The following RNF166 variants were observed in gnomAD, a reference collection of about 807,000 sequenced individuals.
The protein encoded by RNF166 is ring finger protein 166, also known as E3 ubiquitin-protein ligase RNF166.
Under a neutral mutation model 29.4 loss-of-function variants are expected in RNF166, and 19 were observed. That is an observed-to-expected ratio of 0.65 (90% CI 0.45 to 0.95). The LOEUF (loss-of-function observed/expected upper bound fraction) is 0.95. Among genes scored for constraint, RNF166 ranks in the 40% least tolerant of loss-of-function variants. The probability of loss-of-function intolerance (pLI) is 0.00; values close to 1 mark genes in which losing one functional copy is unlikely to be tolerated. For missense variants in RNF166, 347 were observed against 322.1 expected, an observed-to-expected ratio of 1.08 and a Z score of -0.59; for synonymous variants, 171 against 134.5, an observed-to-expected ratio of 1.27 and a Z score of -1.88.
At chr16:88,700,915 C>T in intron 2 of RNF166, 1 of 1,160,396 alleles carries the variant, frequency 8.6e-7, no homozygotes. Context: ...CCAGCGCCGT[C>T]CCCGGTATCG....
chr16:88,701,127 C>T, intron 2 of RNF166, 135 bp downstream of exon 2: 1 of 1,297,308 alleles, frequency 7.7e-7, no homozygotes, highest in Non-Finnish European at 1.1e-6. Context: ...GGCTGGCTTC[C>T]TGGTGCAGGA....
intron 1 of RNF166, among the ~76,000 whole-genome samples, chr16:88,704,847 G>A (rs1396461356): frequency 2.6e-5 from 4 of 152,148 alleles, no homozygotes; most frequent in African/African-American, 4.8e-5. Flanking sequence ...GCAATTAGCC[G>A]GGCGTGGTGG....
In RNF166 at chr16:88,697,222, G is replaced by A. The variant is rs1461186072; in HGVS notation, c.*346C>T. 3 of 203,982 alleles carry A rather than the reference G, an allele frequency of 1.5e-5. No homozygotes were observed. The highest frequency in any genetic ancestry group is 1.3e-4 in the East Asian group (1 of 7,910). 12.6% of individuals were successfully genotyped at this position (203,982 alleles called of 1,614,324 possible). ...TCCTCCCGGCTCGACTGCGGAGCGC[G>A]ACTCGCGCGTCGGTCCCTTCTTCCC... On this transcript the variant is annotated 3_prime_UTR_variant, in exon 6 of 6. Transcript: ENST00000312838.
At position 88,696,667 on chromosome 16, in the gene RNF166, GCA is replaced by G; in HGVS notation, c.*899_*900del. The G allele has an allele frequency of 2.3e-6, 1 of 438,664 alleles. No individual in the cohort carries two copies. The highest frequency in any genetic ancestry group is 1.6e-5 in the South Asian group (1 of 61,044). The allele number at this position is 438,664 out of a possible 1,614,324, so 27.2% of individuals were successfully genotyped here. On this transcript the variant is annotated 3_prime_UTR_variant, in exon 6 of 6. Coordinates refer to ENST00000312838, the MANE Select transcript of RNF166 (RefSeq NM_178841.4). ...GGGTGCCGTCCCCTCCCGCAGCGGG[GCA>G]CAGTCAGCTTTGAAGGTGACAGCGG...
At chr16:88,701,120 T>A in intron 2 of RNF166, 142 bp downstream of exon 2, 3 of 1,270,346 alleles carry the variant, frequency 2.4e-6, no homozygotes, top group Non-Finnish European at 2.2e-6. Flanking sequence ...GCGCCGGGGC[T>A]GGCTTCCTGG....
At chr16:88,704,595 G>A (rs569138260) in intron 1 of RNF166, 77 of 983,402 alleles carry the variant, frequency 7.8e-5, no homozygotes, top group African/African-American at 1.4e-4. Flanking sequence ...CAAAGCCTAC[G>A]GGAGGCTTTT....
At position 88,706,373 on chromosome 16, in the gene RNF166, C is replaced by T. The variant is rs1013761974; in HGVS notation, c.-48G>A. 4.9e-6 allele frequency: 6 copies of T among 1,217,266 alleles called. No individual in the cohort carries two copies. In the South Asian group the frequency reaches 1.4e-4, roughly 28 times the overall value. The allele number at this position is 1,217,266 out of a possible 1,614,324, so 75.4% of individuals were successfully genotyped here. ...CCGCCGCCCGCTGTCCTGGCCCGGGCCGGCCCGCTAGTCACAGCCGCTACT... is the reference window on the plus strand; with the variant it reads ...CCGCCGCCCGCTGTCCTGGCCCGGGTCGGCCCGCTAGTCACAGCCGCTACT... On this transcript the variant is annotated 5_prime_UTR_variant, in exon 1 of 6. Coordinates refer to ENST00000312838, the MANE Select transcript of RNF166 (RefSeq NM_178841.4).
intron 1 of RNF166, 139 bp from the exon 2 acceptor site, chr16:88,701,557 A>T (rs1910235130): frequency 2.5e-6 from 2 of 806,176 alleles, no homozygotes; most frequent in Admixed American, 3.1e-5. Context: ...CCGTCTCTGG[A>T]GATGGTCACT....
At chr16:88,698,156 G>A in intron 5 of RNF166, 1 of 601,790 alleles carries the variant, frequency 1.7e-6, no homozygotes, top group Non-Finnish European at 3.0e-6. Flanking sequence ...GGGCTGGAGT[G>A]TTCGATGTTG....
At chr16:88,701,175 C>A in intron 2 of RNF166, 87 bp downstream of exon 2, 1 of 1,521,718 alleles carries the variant, frequency 6.6e-7, no homozygotes, top group East Asian at 2.3e-5. Flanking sequence ...AGAGAGAGGG[C>A]CCCGGCCCCC....
intron 2 of RNF166, chr16:88,700,706 C>A: frequency 1.0e-6 from 1 of 987,728 alleles, no homozygotes; most frequent in Non-Finnish European, 1.2e-6. Context: ...CCAGGGAGGG[C>A]CACGGGGCAC....
At chr16:88,702,159 C>T (rs76529285) in intron 1 of RNF166, among the ~76,000 whole-genome samples, 73 of 5,620 alleles carry the variant, frequency 0.013, no homozygotes, top group Non-Finnish European at 6.5e-3. Flanking sequence ...CACACCCTCC[C>T]GCTCTGCAGA....
In RNF166 at chr16:88,706,338, C is replaced by G. The variant is rs112070238; in HGVS notation, c.-13G>C. Reference sequence around the variant, plus strand: ...GGAACATAGCCATCCCGGGGCCAGGCCCGCGCCGCCCGCCGCCCGCTGTCC... The same window carrying G: ...GGAACATAGCCATCCCGGGGCCAGGGCCGCGCCGCCCGCCGCCCGCTGTCC... On this transcript the variant is annotated 5_prime_UTR_variant, in exon 1 of 6. Coordinates refer to ENST00000312838, the MANE Select transcript of RNF166 (RefSeq NM_178841.4). The G allele has an allele frequency of 1.6e-6, 2 of 1,217,950 alleles. No individual in the cohort carries two copies. The highest frequency in any genetic ancestry group is 3.2e-5 in the African/African-American group (2 of 62,846). The allele number at this position is 1,217,950 out of a possible 1,614,324, so 75.4% of individuals were successfully genotyped here.
chr16:88,699,403 A>G (rs1378416890), intron 3 of RNF166, among the ~76,000 whole-genome samples: 1 of 152,168 alleles, frequency 6.6e-6, no homozygotes, highest in Non-Finnish European at 1.5e-5. Flanking sequence ...CCTGCTCCCC[A>G]CAGCTGAGCT....
Position 88,704,201 on chromosome 16 carries a change from GC to G in RNF166, c.155+1969del, listed in dbSNP as rs1272141875. The G allele has an allele frequency of 5.1e-6, 5 of 985,364 alleles. No individual in the cohort carries two copies. The African/African-American group carries it at 8.7e-5, about 17-fold the overall frequency. 61.0% of individuals were successfully genotyped at this position (985,364 alleles called of 1,614,324 possible). A position where few individuals can be genotyped will look rare whatever the true frequency, so the allele number is the denominator to read the frequency against. ...CAAACTTCCGAAGGGAACCTGAAGAGCCTTTAAACTTTCTGTGGTCATTTGC... is the reference window on the plus strand; with the variant it reads ...CAAACTTCCGAAGGGAACCTGAAGAGCTTTAAACTTTCTGTGGTCATTTGC... On this transcript the variant is annotated intron_variant, in intron 1 of 5. Coordinates refer to ENST00000312838, the MANE Select transcript of RNF166 (RefSeq NM_178841.4).
chr16:88,705,423 A>T (rs576220884), intron 1 of RNF166, among the ~76,000 whole-genome samples: 1 of 152,228 alleles, frequency 6.6e-6, no homozygotes, highest in Non-Finnish European at 1.5e-5. Flanking sequence ...AGGAGGGAGC[A>T]GACACTGATC....
chr16:88,703,227 G>T, intron 1 of RNF166: 4 of 976,670 alleles, frequency 4.1e-6, no homozygotes, highest in Non-Finnish European at 4.9e-6. Flanking sequence ...TTCTGGAGTG[G>T]GAAGAATCTT....
chr16:88,700,623 G>C, intron 2 of RNF166: 1 of 986,144 alleles, frequency 1.0e-6, no homozygotes, highest in Non-Finnish European at 1.2e-6. Context: ...ATCACCTCTA[G>C]CTGCTCAGTC....
Position 88,697,023 on chromosome 16 carries a change from G to A in RNF166, c.*545C>T, listed in dbSNP as rs1909696631. 1 of 187,520 alleles carries A rather than the reference G, an allele frequency of 5.3e-6. No individual in the cohort carries two copies. The highest frequency in any genetic ancestry group is 2.4e-5 in the African/African-American group (1 of 41,622). The allele number at this position is 187,520 out of a possible 1,614,324, so 11.6% of individuals were successfully genotyped here. A position where few individuals can be genotyped will look rare whatever the true frequency, so the allele number is the denominator to read the frequency against. On this transcript the variant is annotated 3_prime_UTR_variant, in exon 6 of 6. Transcript: ENST00000312838. Reference sequence around the variant, plus strand: ...TTATTCCTAGTCAAACACAGATATTGCAATATGAAGAGTAACTGCTCTGTC... The same window carrying A: ...TTATTCCTAGTCAAACACAGATATTACAATATGAAGAGTAACTGCTCTGTC...
Sources: gnomAD v4.1 joint callset for allele counts (sites outside exome capture counted in the v4.1 genomes callset) on GRCh38, gnomAD v4.1.1 for gene constraint, MANE v1.5 for transcripts, NCBI Gene and HGNC (gene_info 2026-07-23, HGNC 2026-07-21) for gene names.